The following SON variants were observed in gnomAD, a reference collection of about 807,000 sequenced individuals.
SON encodes protein SON.
SON carries 4 observed loss-of-function variants against 173.3 expected under a neutral mutation model. The observed-to-expected ratio is 0.02, with a 90% CI of 0.01 to 0.05. SON has a LOEUF of 0.05. Ranked by LOEUF, SON falls within the 10% of genes least tolerant of loss-of-function variation. SON has a pLI of 1.00. For synonymous variants in SON, 1,190 were observed against 1,105.9 expected, an observed-to-expected ratio of 1.08 and a Z score of -1.51; for missense variants, 2,626 against 3,055.3, an observed-to-expected ratio of 0.86 and a Z score of 3.31.
rs2085942991 is a variant in SON, at chr21:33,555,242, T to C, written c.6011T>C (p.Val2004Ala). Residue 2004 changes from valine (V) to alanine (A), a missense_variant, in exon 3 of 12, where the codon GTG becomes GCG. Transcript: ENST00000356577. ...TPSRRRRSRS[V>A]VRRRSFSISP... ...AGCCGCCGGAGAAGATCAAGGTCTG[T>C]GGTAAGAAGACGAAGCTTCAGTATC... 6.2e-7 allele frequency: 1 copy of C among 1,610,588 alleles called. No individual in the cohort carries two copies. Among genetic ancestry groups the C allele is most frequent in the Non-Finnish European group, 8.5e-7 (1 of 1,178,846 alleles).
At chr21:33,575,225 G>A (rs890076902) in intron 9 of SON, among the ~76,000 whole-genome samples, 8 of 151,784 alleles carry the variant, frequency 5.3e-5, no homozygotes, top group Admixed American at 3.3e-4. Flanking sequence ...TAGTAGAGAC[G>A]GGGTTTCACC....
rs1279391009 is a variant in SON at position 33,554,732 on chromosome 21, A to G, written c.5501A>G (p.His1834Arg). 3.7e-6 allele frequency: 6 copies of G among 1,613,826 alleles called. No homozygotes were observed. The highest frequency in any genetic ancestry group is 1.1e-5 in the South Asian group (1 of 91,090). Reference sequence around the variant, plus strand: ...AGTAAGCGTTCCAAATCTTCTGAACACAAATCACGCAAGCGTACCAGTGAA... The same window carrying G: ...AGTAAGCGTTCCAAATCTTCTGAACGCAAATCACGCAAGCGTACCAGTGAA... Reference protein sequence around the residue: ...SRSKRSKSSEHKSRKRTSESR... With the variant: ...SRSKRSKSSERKSRKRTSESR... Residue 1834 changes from histidine (H) to arginine (R), a missense_variant, in exon 3 of 12, where the codon CAC (histidine) becomes CGC (arginine). By Grantham distance (29) the His-to-Arg change is conservative. This residue lies in a region of SON where 1,006 missense variants were observed against 895.6 expected (regional missense o/e 1.12). Coordinates refer to ENST00000356577, the MANE Select transcript of SON (RefSeq NM_138927.4).
chr21:33,560,020 A>G, intron 6 of SON: 2 of 1,614,240 alleles, frequency 1.2e-6, no homozygotes, highest in Admixed American at 1.7e-5. Flanking sequence ...GTGTTATCAC[A>G]TCCCTACCCA....
Position 33,554,952 on chromosome 21 carries a change from A to C in SON, c.5721A>C (p.Lys1907Asn). ...HRSKSRERKR[K>N]RSSSRDNRKT... Reference sequence around the variant, plus strand: ...CCAAGTCTAGGGAAAGAAAAAGAAAAAGATCAAGCTCCAGGGATAACCGAA... The same window carrying C: ...CCAAGTCTAGGGAAAGAAAAAGAAACAGATCAAGCTCCAGGGATAACCGAA... The change falls in exon 3 of 12, where the codon AAA becomes AAC. Residue 1907 changes from lysine (K) to asparagine (N), a missense_variant. Coordinates refer to ENST00000356577, the MANE Select transcript of SON (RefSeq NM_138927.4). 6.2e-7 allele frequency: 1 copy of C among 1,614,056 alleles called. No individual in the cohort carries two copies. Among genetic ancestry groups the C allele is most frequent in the Non-Finnish European group, 8.5e-7 (1 of 1,180,020 alleles).
intron 2 of SON, among the ~76,000 whole-genome samples, chr21:33,547,731 T>G: frequency 6.9e-6 from 1 of 144,164 alleles, no homozygotes; most frequent in African/African-American, 2.6e-5. Context: ...TTTTTTTTTT[T>G]TGAGACGGAG....
At position 33,554,924 on chromosome 21, in the gene SON, G is replaced by A; in HGVS notation, c.5693G>A (p.Arg1898Lys). The change falls in exon 3 of 12, where the codon AGA becomes AAA. Residue 1898 changes from arginine to lysine, a missense_variant. Transcript: ENST00000356577. ...KEKRKRSPKH[R>K]SKSRERKRKR... ...AAGCGCAAAAGATCTCCAAAGCACA[G>A]ATCCAAGTCTAGGGAAAGAAAAAGA... The A allele has an allele frequency of 6.2e-7, 1 of 1,614,130 alleles. No individual in the cohort carries two copies. Among genetic ancestry groups the A allele is most frequent in the Non-Finnish European group, 8.5e-7 (1 of 1,180,024 alleles).
In SON at chr21:33,573,313, G is replaced by A. The variant is rs1280441571; in HGVS notation, c.6891G>A (p.Gln2297=). The change falls in exon 9 of 12, where the codon CAG becomes CAA. Residue 2297 remains glutamine, a synonymous_variant. Coordinates refer to ENST00000356577, the MANE Select transcript of SON (RefSeq NM_138927.4). ...TGAQAWIKKD[Q]FLRAAPVTGG... Reference sequence around the variant, plus strand: ...ACCTTTCTTTCTTTGGATAGGATCAGTTCTTAAGAGCAGCCCCGGTAACTG... The same window carrying A: ...ACCTTTCTTTCTTTGGATAGGATCAATTCTTAAGAGCAGCCCCGGTAACTG... 1 of 1,610,788 alleles carries A rather than the reference G, an allele frequency of 6.2e-7. No individual in the cohort carries two copies. Among genetic ancestry groups the A allele is most frequent in the South Asian group, 1.1e-5 (1 of 90,846 alleles).
intron 1 of SON, among the ~76,000 whole-genome samples, chr21:33,543,956 G>A (rs1258415239): frequency 6.6e-6 from 1 of 152,194 alleles, no homozygotes; most frequent in Non-Finnish European, 1.5e-5. Context: ...AAATTTGAAG[G>A]CGAAGAGATT....
At position 33,559,595 on chromosome 21, in the gene SON, A is replaced by T; in HGVS notation, c.6477A>T (p.Ala2159=). 5 of 1,607,894 alleles carry T rather than the reference A, an allele frequency of 3.1e-6. No individual in the cohort carries two copies. The highest frequency in any genetic ancestry group is 4.2e-6 in the Non-Finnish European group (5 of 1,177,926). The change falls in exon 6 of 12, where the codon GCA becomes GCT. Residue 2159 remains alanine, a synonymous_variant. Coordinates refer to ENST00000356577, the MANE Select transcript of SON (RefSeq NM_138927.4). The surrounding 1 kb of genome is among the most constrained non-coding windows in gnomAD (Gnocchi z 4.1). The stretch of plus-strand genomic sequence containing the variant: ...AACACTTTATTTTTTAGATTGCTGC[A>T]GCAAAACCAACTCCACCAAAAAGCC... ...KPIFFNLNIA[A]AKPTPPKSQV... is the part of the protein sequence containing the mutation.
In SON at chr21:33,551,142, G is replaced by A; in HGVS notation, c.1911G>A (p.Gly637=). ...TGCTGGAGTTGCCAGGGCAGCCTGG[G>A]GCGCCAGAGTTGCCTGGGCAGCCTG... is the stretch of plus-strand genomic sequence containing the variant. ...TGVLELPGQP[G]APELPGQPVA... is the part of the protein sequence containing the mutation. The change falls in exon 3 of 12, where the codon GGG becomes GGA. Residue 637 remains glycine (G), a synonymous_variant. Transcript: ENST00000356577. The A allele has an allele frequency of 1.2e-6, 2 of 1,613,458 alleles. No homozygotes were observed. Among genetic ancestry groups the A allele is most frequent in the Non-Finnish European group, 1.7e-6 (2 of 1,179,528 alleles).
rs1053057475 is a variant in SON at position 33,553,182 on chromosome 21, C to T, written c.3951C>T (p.Ala1317=). The change falls in exon 3 of 12, where the codon GCC becomes GCT. Residue 1317 remains alanine, a synonymous_variant. Coordinates refer to ENST00000356577, the MANE Select transcript of SON (RefSeq NM_138927.4). ...CAGAAACATTTGATTCCATGAGAGC[C>T]TCAGGACATGTTGCCTCAGAAGTAT... ...ETAETFDSMR[A]SGHVASEVST... 6.2e-7 allele frequency: 1 copy of T among 1,614,144 alleles called. No homozygotes were observed. Among genetic ancestry groups the T allele is most frequent in the South Asian group, 1.1e-5 (1 of 91,088 alleles).
chr21:33,544,809 T>C (rs2085576951), intron 1 of SON, among the ~76,000 whole-genome samples: 1 of 152,220 alleles, frequency 6.6e-6, no homozygotes, highest in African/African-American at 2.4e-5. Flanking sequence ...AAACCATAAT[T>C]ACTTTTCTGA....
chr21:33,567,921 A>G (rs994331643), intron 7 of SON, among the ~76,000 whole-genome samples: 1 of 152,094 alleles, frequency 6.6e-6, no homozygotes, highest in African/African-American at 2.4e-5. Flanking sequence ...AAAAAAACAA[A>G]AGAGTGATTA....
At chr21:33,557,759 C>T in intron 4 of SON, 2 of 1,379,556 alleles carry the variant, frequency 1.4e-6, no homozygotes, top group South Asian at 1.6e-5. Flanking sequence ...AATAGCTGGC[C>T]ATTGCCTGAA....
intron 3 of SON, 30 bp downstream of exon 3, chr21:33,555,421 T>C: frequency 6.8e-7 from 1 of 1,479,566 alleles, no homozygotes; most frequent in Non-Finnish European, 9.0e-7. Context: ...AATGGGATGG[T>C]AGTAGAAAAT....
chr21:33,547,137 G>C (rs1171700801), intron 2 of SON: 1 of 152,066 alleles, frequency 6.6e-6, no homozygotes, highest in East Asian at 1.9e-4. Context: ...ACCATGCCCG[G>C]CTAATTTTTT....
In SON at chr21:33,554,253, T is replaced by C; in HGVS notation, c.5022T>C (p.Leu1674=). 1 of 1,614,096 alleles carries C rather than the reference T, an allele frequency of 6.2e-7. No individual in the cohort carries two copies. Among genetic ancestry groups the C allele is most frequent in the Non-Finnish European group, 8.5e-7 (1 of 1,179,970 alleles). ...IHLDLPSNNN[L]VSKDTEEPLP... ...TTGATTTACCATCTAATAATAACCT[T>C]GTTAGTAAGGATACAGAAGAACCAT... The change falls in exon 3 of 12, where the codon CTT becomes CTC. Residue 1674 remains leucine, a synonymous_variant. Transcript: ENST00000356577.
chr21:33,575,645 T>C lies in SON; in HGVS notation c.7083T>C (p.Ser2361=). The change falls in exon 10 of 12, where the codon TCT becomes TCC. Residue 2361 remains serine, a synonymous_variant. Transcript: ENST00000356577. The part of the protein sequence containing the change: ...ERAQKRSGNF[S]AAMKDLSGKH... Reference sequence around the variant, plus strand: ...CACAAAAGAGGTCTGGGAACTTCTCTGCTGCAATGAAAGATCTGTCAGGTG... The same window carrying C: ...CACAAAAGAGGTCTGGGAACTTCTCCGCTGCAATGAAAGATCTGTCAGGTG... 1 of 1,613,412 alleles carries C rather than the reference T, an allele frequency of 6.2e-7. No individual in the cohort carries two copies. The highest frequency in any genetic ancestry group is 8.5e-7 in the Non-Finnish European group (1 of 1,179,656).
intron 7 of SON, 87 bp downstream of exon 7, chr21:33,567,354 T>C (rs1339402316): frequency 3.9e-6 from 3 of 760,826 alleles, no homozygotes; most frequent in South Asian, 1.5e-5. Context: ...AATAAGAATT[T>C]TGCTAACTAG....
Sources: allele counts gnomAD v4.1 joint callset (sites outside exome capture counted in the v4.1 genomes callset), GRCh38; gene constraint gnomAD v4.1.1; regional missense constraint gnomAD v4.1.1; non-coding constraint Gnocchi (gnomAD v3.1); transcripts MANE v1.5; gene names NCBI Gene and HGNC (gene_info 2026-07-23, HGNC 2026-07-21).